Variants in MAN2A1 observed in about 807,000 individuals in gnomAD.
MAN2A1 encodes mannosidase alpha class 2A member 1.
MAN2A1 carries 76 observed loss-of-function variants against 142.6 expected under a neutral mutation model. The observed-to-expected ratio is 0.53, with a 90% CI of 0.44 to 0.65. The LOEUF (loss-of-function observed/expected upper bound fraction) is 0.65. MAN2A1 is among the 30% of genes least tolerant of loss of function. The probability of loss-of-function intolerance (pLI) is 0.00; values close to 1 mark genes in which losing one functional copy is unlikely to be tolerated. For synonymous variants in MAN2A1, 559 were observed against 473.2 expected (o/e 1.18, Z -2.35); for missense variants, 1,311 against 1,365.1 (o/e 0.96, Z 0.62).
Position 109,713,500 on chromosome 5 carries a change from C to G in MAN2A1, c.136-20C>G. The G allele has an allele frequency of 6.4e-7, 1 of 1,572,456 alleles. No homozygotes were observed. On this transcript the variant is annotated intron_variant, in intron 1 of 21. Transcript: ENST00000261483. Reference sequence around the variant, plus strand: ...CTATATTAGTATTTCATATAGCTGCCTTTTTCTTTTTTATTGTAGGGCCAG... The same window carrying G: ...CTATATTAGTATTTCATATAGCTGCGTTTTTCTTTTTTATTGTAGGGCCAG...
At chr5:109,711,647 A>G (rs745869418) in intron 1 of MAN2A1, among the ~76,000 whole-genome samples, 1 of 152,200 alleles carries the variant, frequency 6.6e-6, no homozygotes, top group Admixed American at 6.5e-5. Context: ...TAGCTTCTCT[A>G]TTTGAGCCCT....
chr5:109,730,680 G>C (rs571970584), intron 4 of MAN2A1, among the ~76,000 whole-genome samples: 4 of 152,238 alleles, frequency 2.6e-5, no homozygotes, highest in Non-Finnish European at 5.9e-5. Context: ...AGCGCTTACT[G>C]TATTAGTCCC....
At chr5:109,767,796 C>A in intron 6 of MAN2A1, 88 bp downstream of exon 6, 1 of 1,098,588 alleles carries the variant, frequency 9.1e-7, no homozygotes, top group Non-Finnish European at 1.3e-6. Context: ...GGGTTTTGTT[C>A]ACTGTCAGTC....
intron 1 of MAN2A1, among the ~76,000 whole-genome samples, chr5:109,708,300 T>C (rs1751195864): frequency 6.6e-6 from 1 of 152,102 alleles, no homozygotes; most frequent in African/African-American, 2.4e-5. Flanking sequence ...TGGGAGCCTC[T>C]GGGAACTTTA....
intron 3 of MAN2A1, among the ~76,000 whole-genome samples, chr5:109,728,316 T>G (rs974967920): frequency 6.6e-6 from 1 of 152,188 alleles, no homozygotes; most frequent in Non-Finnish European, 1.5e-5. Flanking sequence ...TATATACAGA[T>G]AAGAAACAGC....
At chr5:109,786,369 G>A (rs1002397073) in intron 10 of MAN2A1, among the ~76,000 whole-genome samples, 2 of 151,880 alleles carry the variant, frequency 1.3e-5, no homozygotes, top group Non-Finnish European at 2.9e-5. Context: ...TTCCTACACC[G>A]CCCACTTGCT....
chr5:109,840,468 C>A, intron 16 of MAN2A1: 2 of 480,778 alleles, frequency 4.2e-6, no homozygotes, highest in South Asian at 1.6e-5. Flanking sequence ...CCACTGAAGT[C>A]ATCAAACCGA....
intron 12 of MAN2A1, among the ~76,000 whole-genome samples, chr5:109,795,540 G>A (rs1753836536): frequency 6.6e-6 from 1 of 152,156 alleles, no homozygotes; most frequent in Admixed American, 6.6e-5. Context: ...GACAGTCAGT[G>A]TATTATCACA....
In MAN2A1 at chr5:109,868,494, A is replaced by G. The variant is rs575631105; in HGVS notation, c.*1496A>G. 21 of 152,218 alleles carry G rather than the reference A, an allele frequency of 1.4e-4. No individual in the cohort carries two copies. Among genetic ancestry groups the G allele is most frequent in the African/African-American group, 4.8e-4 (20 of 41,526 alleles). The allele number at this position is 152,218 out of a possible 1,614,324, so 9.4% of individuals were successfully genotyped here. On this transcript the variant is annotated 3_prime_UTR_variant, in exon 22 of 22. Transcript: ENST00000261483. ...TTGATTTCATATTCTGTGGCTTTCA[A>G]CCTCCATTTACCTCTTGTCATTCCA... is the stretch of plus-strand genomic sequence containing the variant.
chr5:109,796,012 A>G (rs1753849957), intron 12 of MAN2A1, among the ~76,000 whole-genome samples: 1 of 152,148 alleles, frequency 6.6e-6, no homozygotes, highest in African/African-American at 2.4e-5. Flanking sequence ...TGAATCAGTT[A>G]TTTATTCCTA....
intron 20 of MAN2A1, chr5:109,863,062 T>C (rs1755795799): frequency 6.6e-6 from 1 of 152,216 alleles, no homozygotes; most frequent in Admixed American, 6.5e-5. Flanking sequence ...AGCAAATGTG[T>C]TGCAGGAATT....
chr5:109,826,615 C>G (rs551661712), intron 16 of MAN2A1, among the ~76,000 whole-genome samples: 1 of 152,216 alleles, frequency 6.6e-6, no homozygotes, highest in Non-Finnish European at 1.5e-5. Context: ...ACTCACCTGT[C>G]TCTCCTGTTT....
intron 3 of MAN2A1, among the ~76,000 whole-genome samples, chr5:109,725,874 A>C (rs1281020279): frequency 6.6e-6 from 1 of 152,208 alleles, no homozygotes; most frequent in African/African-American, 2.4e-5. Flanking sequence ...TGTAGACAAT[A>C]GAGTTTCCAG....
At chr5:109,789,431 A>G in intron 11 of MAN2A1, 29 bp from the exon 12 acceptor site, 1 of 1,388,198 alleles carries the variant, frequency 7.2e-7, no homozygotes, top group South Asian at 1.3e-5. Context: ...TGTTAAGTAA[A>G]ATTAAAAAAT....
chr5:109,735,951 G>C (rs1238334336), intron 4 of MAN2A1, among the ~76,000 whole-genome samples: 1 of 139,386 alleles, frequency 7.2e-6, no homozygotes, highest in East Asian at 2.4e-4. Flanking sequence ...GGAAGTGAAG[G>C]GTATATTTTC....
intron 4 of MAN2A1, among the ~76,000 whole-genome samples, chr5:109,748,282 A>T (rs907607254): frequency 6.6e-6 from 1 of 152,084 alleles, no homozygotes; most frequent in African/African-American, 2.4e-5. Flanking sequence ...TTCTTATCTG[A>T]TAGGTGAAAA....
At chr5:109,770,260 T>C in intron 6 of MAN2A1, 95 bp from the exon 7 acceptor site, 1 of 1,146,646 alleles carries the variant, frequency 8.7e-7, no homozygotes, top group Non-Finnish European at 1.3e-6. Context: ...CAGAGCTAAA[T>C]CAGCATTACT....
At chr5:109,776,147 C>T (rs545322799) in intron 8 of MAN2A1, among the ~76,000 whole-genome samples, 1 of 149,454 alleles carries the variant, frequency 6.7e-6, no homozygotes, top group South Asian at 2.1e-4. Flanking sequence ...TTTATTATTT[C>T]ACATATTGAC....
chr5:109,774,400 T>TA (rs1753227183), intron 7 of MAN2A1, among the ~76,000 whole-genome samples: 5 of 152,128 alleles, frequency 3.3e-5, no homozygotes, highest in Admixed American at 1.3e-4. Context: ...AAGTCCTTAT[T>TA]GTCTTACTAG....
Sources: allele counts gnomAD v4.1 joint callset (sites outside exome capture counted in the v4.1 genomes callset), GRCh38; gene constraint gnomAD v4.1.1; transcripts MANE v1.5; gene names NCBI Gene and HGNC (gene_info 2026-07-23, HGNC 2026-07-21).